Variants in CPM observed in about 807,000 individuals in gnomAD.
The protein encoded by CPM is renal carboxypeptidase.
Under a neutral mutation model 46.4 loss-of-function variants are expected in CPM, and 35 were observed. That is an observed-to-expected ratio of 0.75 (90% CI 0.58 to 1.00). The LOEUF is 1.00. Among genes scored for constraint, CPM ranks in the 50% least tolerant of loss-of-function variants. The pLI is 0.00. For synonymous variants in CPM, 195 were observed against 195.3 expected (o/e 1.00, Z 0.01); for missense variants, 422 against 530.4 (o/e 0.80, Z 2.01).
chr12:68,873,598 G>A (rs1175204717), intron 3 of CPM, among the ~76,000 whole-genome samples: 2 of 150,976 alleles, frequency 1.3e-5, no homozygotes, highest in Non-Finnish European at 2.9e-5. Flanking sequence ...TGCCCAGGAG[G>A]TTGAGGCAGC....
intron 2 of CPM, among the ~76,000 whole-genome samples, chr12:68,911,410 T>G (rs1046358364): frequency 1.3e-5 from 2 of 152,218 alleles, no homozygotes; most frequent in Admixed American, 6.5e-5. Context: ...CAGTCCTGAA[T>G]CTACCAGGTA....
At chr12:68,900,493 C>T (rs1205663076) in intron 2 of CPM, among the ~76,000 whole-genome samples, 3 of 152,120 alleles carry the variant, frequency 2.0e-5, no homozygotes, top group South Asian at 2.1e-4. Flanking sequence ...AAAACTAAAC[C>T]TACTCTTGCC....
intron 5 of CPM, chr12:68,845,060 G>A (rs965796876): frequency 1.4e-5 from 3 of 211,588 alleles, no homozygotes; most frequent in Non-Finnish European, 2.9e-5. Context: ...GAGCCGCCAC[G>A]CCCAGCCTAA....
At chr12:68,889,763 A>T (rs1886578416) in intron 2 of CPM, among the ~76,000 whole-genome samples, 1 of 152,186 alleles carries the variant, frequency 6.6e-6, no homozygotes, top group African/African-American at 2.4e-5. Flanking sequence ...TAAGGAGATG[A>T]ATAACTCCTC....
intron 1 of CPM, among the ~76,000 whole-genome samples, chr12:68,962,277 A>G (rs2136342172): frequency 6.6e-6 from 1 of 152,086 alleles, no homozygotes; most frequent in South Asian, 2.1e-4. Context: ...TTTTAAACCT[A>G]CAGTTCAGTA....
rs182567832 is a variant in CPM, at chr12:68,961,984, A to G, written c.-4+1185T>C. ...GGGAGGCCAAGGCGGGCGGATCACG[A>G]GGTCAGCAGGTCGAGACCATCCTGG... On this transcript the variant is annotated intron_variant, in intron 1 of 8. Coordinates refer to the CPM transcript ENST00000546373. Among the ~76,000 whole-genome samples, 557 of 152,150 alleles carry G rather than the reference A, an allele frequency of 3.7e-3. 1 individual carries two copies. The highest frequency in any genetic ancestry group is 0.013 in the African/African-American group (538 of 41,512).
At chr12:68,859,119 T>C in intron 7 of CPM, 48 bp from the exon 8 acceptor site, 1 of 1,033,344 alleles carries the variant, frequency 9.7e-7, no homozygotes, top group Non-Finnish European at 1.3e-6. Context: ...TTTTATGGCA[T>C]ATAAAAATTA....
downstream of CPM, chr12:68,848,013 G>A (rs532071740): frequency 6.6e-5 from 10 of 152,210 alleles, no homozygotes; most frequent in African/African-American, 2.2e-4. Context: ...AAATTGTGGT[G>A]GCATGCATGG....
At chr12:68,962,092 C>T (rs2136341898) in intron 1 of CPM, among the ~76,000 whole-genome samples, 1 of 151,462 alleles carries the variant, frequency 6.6e-6, no homozygotes, top group Middle Eastern at 3.4e-3. Flanking sequence ...CTCAGCTACT[C>T]AGGAGGCTGA....
chr12:68,880,205 G>A (rs1212664303), intron 3 of CPM, among the ~76,000 whole-genome samples: 2 of 152,152 alleles, frequency 1.3e-5, no homozygotes, highest in Admixed American at 6.5e-5. Flanking sequence ...ATGCCAATAT[G>A]TGTGCAAATA....
chr12:68,959,721 G>A (rs908388073), intron 1 of CPM, among the ~76,000 whole-genome samples: 3 of 152,228 alleles, frequency 2.0e-5, no homozygotes, highest in South Asian at 2.1e-4. Flanking sequence ...TGCTAGCATC[G>A]TGTTAGTTGC....
chr12:68,911,483 T>A (rs1036503943), intron 2 of CPM, among the ~76,000 whole-genome samples: 1 of 152,178 alleles, frequency 6.6e-6, no homozygotes, highest in Non-Finnish European at 1.5e-5. Flanking sequence ...AAGCTGTAAA[T>A]TGGTATTTAC....
chr12:68,872,111 T>G (rs1885727837), intron 3 of CPM, among the ~76,000 whole-genome samples, 155 bp from the exon 4 acceptor site: 1 of 152,226 alleles, frequency 6.6e-6, no homozygotes, highest in Admixed American at 6.5e-5. Context: ...ATGCTTATGC[T>G]CTGCCAAGTG....
At chr12:68,866,390 T>C (rs566072225) in intron 7 of CPM, among the ~76,000 whole-genome samples, 38 of 152,268 alleles carry the variant, frequency 2.5e-4, no homozygotes, top group Admixed American at 1.8e-3. Flanking sequence ...CTGGAGTACA[T>C]TGGCACCATC....
intron 5 of CPM, chr12:68,843,150 T>C: frequency 8.9e-6 from 2 of 223,614 alleles, no homozygotes; most frequent in Non-Finnish European, 1.8e-5. Flanking sequence ...GGGTAGAACA[T>C]GTGTCTGTTA....
At chr12:68,883,355 C>G (rs1408646447) in intron 3 of CPM, among the ~76,000 whole-genome samples, 1 of 152,234 alleles carries the variant, frequency 6.6e-6, no homozygotes, top group Non-Finnish European at 1.5e-5. Flanking sequence ...TAAGCCATCA[C>G]TTTCTTCAGC....
At chr12:68,898,388 A>G (rs1476692372) in intron 2 of CPM, among the ~76,000 whole-genome samples, 2 of 152,156 alleles carry the variant, frequency 1.3e-5, no homozygotes, top group Non-Finnish European at 2.9e-5. Context: ...TCTTTCAGTC[A>G]TCCTACTTCC....
At position 68,944,602 on chromosome 12, in the gene CPM, G is replaced by A. The variant is rs141839386; in HGVS notation, c.-3-11762C>T. On this transcript the variant is annotated intron_variant, in intron 1 of 8. Coordinates refer to the CPM transcript ENST00000546373. Reference sequence around the variant, plus strand: ...TTTTGTAGATATGGGGCCTCACTTCGTTGCACAGGATGGTCTCAAACTCTT... The same window carrying A: ...TTTTGTAGATATGGGGCCTCACTTCATTGCACAGGATGGTCTCAAACTCTT... 5.8e-4 allele frequency among the ~76,000 whole-genome samples: 88 copies of A among 152,062 alleles called. 1 individual carries two copies. Among genetic ancestry groups the A allele is most frequent in the African/African-American group, 1.8e-3 (76 of 41,468 alleles).
At chr12:68,940,532 A>C (rs116018372) in intron 1 of CPM, among the ~76,000 whole-genome samples, 1 of 149,078 alleles carries the variant, frequency 6.7e-6, no homozygotes, top group African/African-American at 2.5e-5. Context: ...GTGTGAAGAC[A>C]TTGTTCTGTC....
Sources: allele counts gnomAD v4.1 joint callset (sites outside exome capture counted in the v4.1 genomes callset), GRCh38; gene constraint gnomAD v4.1.1; transcripts MANE v1.5; gene names NCBI Gene and HGNC (gene_info 2026-07-23, HGNC 2026-07-21).